KNDC1: variants seen among roughly 807,000 people sequenced by gnomAD.
KNDC1 encodes the protein kinase non-catalytic C-lobe domain-containing protein 1.
KNDC1 carries 106 observed loss-of-function variants against 172.8 expected under a neutral mutation model. The observed-to-expected ratio is 0.61, with a 90% CI of 0.52 to 0.72. The LOEUF (loss-of-function observed/expected upper bound fraction) is 0.72. KNDC1 is among the 30% of genes least tolerant of loss of function. The pLI, the probability that KNDC1 is intolerant of heterozygous loss-of-function variation, is 0.00. For synonymous variants in KNDC1, 1,083 were observed against 1,062.2 expected, an observed-to-expected ratio of 1.02 and a Z score of -0.38; for missense variants, 2,325 against 2,394.5, an observed-to-expected ratio of 0.97 and a Z score of 0.61.
At position 133,209,658 on chromosome 10, in the gene KNDC1, G is replaced by A. The variant is rs1395174087; in HGVS notation, c.3795-953G>A. Among the ~76,000 whole-genome samples, 21 of 152,160 alleles carry A rather than the reference G, an allele frequency of 1.4e-4. No homozygotes were observed. Among genetic ancestry groups the A allele is most frequent in the African/African-American group, 4.3e-4 (18 of 41,484 alleles). ...AGTGCTGTGCTTCCATGGAAGGAGC[G>A]TCTCCTGGCCGTGATGTGGTCACGA... On this transcript the variant is annotated intron_variant, in intron 20 of 29. Transcript: ENST00000304613. The surrounding 1 kb of genome is among the most constrained non-coding windows in gnomAD (Gnocchi z 4.9).
Position 133,224,807 on chromosome 10 carries a change from G to A in KNDC1, c.5167G>A (p.Ala1723Thr), listed in dbSNP as rs1845688192. 4.3e-6 allele frequency: 7 copies of A among 1,614,126 alleles called. No individual in the cohort carries two copies. The highest frequency in any genetic ancestry group is 5.1e-6 in the Non-Finnish European group (6 of 1,180,030). ...DISTLAADSR[A>T]NFHQVSSEKH... Reference sequence around the variant, plus strand: ...TTCCACACTCGCCGCAGATAGCAGGGCCAACTTCCACCAGGTCTCCAGCGA... The same window carrying A: ...TTCCACACTCGCCGCAGATAGCAGGACCAACTTCCACCAGGTCTCCAGCGA... The change falls in exon 30 of 30, where the codon GCC becomes ACC. Residue 1723 changes from alanine to threonine, a missense_variant. Coordinates refer to ENST00000304613, the MANE Select transcript of KNDC1 (RefSeq NM_152643.8). This position sits in a 1 kb window ranked among gnomAD's most constrained non-coding sequence, Gnocchi z 5.4.
intron 11 of KNDC1, 107 bp downstream of exon 11, chr10:133,197,242 C>A: frequency 1.2e-6 from 1 of 831,868 alleles, no homozygotes; most frequent in Non-Finnish European, 2.0e-6. Flanking sequence ...ACACCCCGGT[C>A]TCTGTTGACC....
rs1184280869 is a variant in KNDC1, at chr10:133,185,877, G to C, written c.626-97G>C. The C allele has an allele frequency of 7.0e-6, 4 of 573,962 alleles. No individual in the cohort carries two copies. In the Admixed American group the frequency reaches 1.3e-4, roughly 18 times the overall value. 35.6% of individuals were successfully genotyped at this position (573,962 alleles called of 1,614,324 possible). The stretch of plus-strand genomic sequence containing the variant: ...GGGAGAGGTGGGAGGGGAGGGGTGG[G>C]AGGAGAGGGGAGGGGTGGGAGGAGA... On this transcript the variant is annotated intron_variant, in intron 5 of 29. Transcript: ENST00000304613.
intron 3 of KNDC1, among the ~76,000 whole-genome samples, chr10:133,182,862 T>C (rs909618567): frequency 3.0e-5 from 4 of 133,198 alleles, no homozygotes; most frequent in Non-Finnish European, 4.9e-5. Context: ...GGTGTGGGCG[T>C]GGGTGGCATG....
Position 133,167,487 on chromosome 10 carries a change from C to A in KNDC1, c.209C>A (p.Ala70Asp), listed in dbSNP as rs143471436. The A allele has an allele frequency of 6.2e-7, 1 of 1,605,670 alleles. No homozygotes were observed. The highest frequency in any genetic ancestry group is 1.7e-5 in the Admixed American group (1 of 59,060). Reference protein sequence around the residue: ...LECSLSMRSVAHAAIFQSLCI... With the variant: ...LECSLSMRSVDHAAIFQSLCI... Reference sequence around the variant, plus strand: ...TGCAGCCTGTCCATGCGGAGCGTGGCCCACGCCGCCATCTTCCAGAGCCTG... The same window carrying A: ...TGCAGCCTGTCCATGCGGAGCGTGGACCACGCCGCCATCTTCCAGAGCCTG... Residue 70 changes from alanine to aspartate, a missense_variant, in exon 2 of 30, where the codon GCC (alanine) becomes GAC (aspartate). By Grantham distance (126) the Ala-to-Asp change is moderately radical. Transcript: ENST00000304613.
intron 3 of KNDC1, among the ~76,000 whole-genome samples, chr10:133,174,751 G>C (rs1448620757): frequency 6.6e-6 from 1 of 151,376 alleles, no homozygotes; most frequent in Non-Finnish European, 1.5e-5. Flanking sequence ...GTGGATGGAT[G>C]ATGGGTGGAT....
chr10:133,201,063 T>C (rs1216076169), intron 16 of KNDC1, among the ~76,000 whole-genome samples: 2 of 152,218 alleles, frequency 1.3e-5, no homozygotes, highest in Non-Finnish European at 2.9e-5. Flanking sequence ...ATGAGGCCCG[T>C]GCACTCCTGG....
At position 133,168,256 on chromosome 10, in the gene KNDC1, G is replaced by A. The variant is rs780934385; in HGVS notation, c.304G>A (p.Asp102Asn). 5.6e-6 allele frequency: 9 copies of A among 1,613,926 alleles called. No homozygotes were observed. Among genetic ancestry groups the A allele is most frequent in the East Asian group, 2.2e-5 (1 of 44,892 alleles). ...NVCFMEQLSDDPEGAFVPPEF... is the reference protein window; with the variant it reads ...NVCFMEQLSDNPEGAFVPPEF... Reference sequence around the variant, plus strand: ...TCCTTCTCTCTCTCCTCCCCAAGACGACCCTGAGGGTGCCTTCGTTCCCCC... The same window carrying A: ...TCCTTCTCTCTCTCCTCCCCAAGACAACCCTGAGGGTGCCTTCGTTCCCCC... Residue 102 changes from aspartate (D) to asparagine (N), a missense_variant and splice_region_variant, in exon 3 of 30, where the codon GAC (aspartate) becomes AAC (asparagine). Transcript: ENST00000304613.
intron 1 of KNDC1, among the ~76,000 whole-genome samples, chr10:133,162,013 G>C (rs947121015): frequency 6.6e-6 from 1 of 152,134 alleles, no homozygotes; most frequent in Non-Finnish European, 1.5e-5. Context: ...CAGTGTCCTC[G>C]GGCCGGCCGG....
chr10:133,175,678 G>A (rs1197353227), intron 3 of KNDC1, among the ~76,000 whole-genome samples: 1 of 151,368 alleles, frequency 6.6e-6, no homozygotes, highest in Non-Finnish European at 1.5e-5. Context: ...GGATGGGTAG[G>A]TGGGTGGATG....
chr10:133,211,365 G>T (rs941827039), intron 21 of KNDC1, 57 bp from the exon 22 acceptor site: 4 of 1,558,088 alleles, frequency 2.6e-6, no homozygotes, highest in Non-Finnish European at 3.5e-6. Context: ...CAAGCCCCTG[G>T]GCCTCTGCCC....
chr10:133,172,891 C>T (rs941546739), intron 3 of KNDC1, among the ~76,000 whole-genome samples: 8 of 152,130 alleles, frequency 5.3e-5, no homozygotes, highest in African/African-American at 1.9e-4. Context: ...TAGCCCCAGC[C>T]GCTCAGGAGG....
At chr10:133,161,626 G>A (rs574935457) in intron 1 of KNDC1, among the ~76,000 whole-genome samples, 3 of 152,284 alleles carry the variant, frequency 2.0e-5, no homozygotes, top group South Asian at 2.1e-4. Flanking sequence ...CTGTGCGGGG[G>A]TTGGCGATGC....
intron 3 of KNDC1, among the ~76,000 whole-genome samples, chr10:133,171,731 T>C (rs1210321599): frequency 6.6e-6 from 1 of 152,092 alleles, no homozygotes; most frequent in African/African-American, 2.4e-5. Flanking sequence ...CCACGTCAGC[T>C]TCCTAAGTAG....
At chr10:133,199,305 C>T in intron 14 of KNDC1, 39 bp downstream of exon 14, 1 of 1,540,952 alleles carries the variant, frequency 6.5e-7, no homozygotes, top group Non-Finnish European at 8.7e-7. Context: ...GAGGCCCGGG[C>T]CAGGGAGAGC....
rs773162071 is a variant in KNDC1 at position 133,218,897 on chromosome 10, G to A, written c.4744G>A (p.Ala1582Thr). 8.7e-6 allele frequency: 14 copies of A among 1,613,804 alleles called. No homozygotes were observed. Among genetic ancestry groups the A allele is most frequent in the Admixed American group, 3.3e-5 (2 of 60,008 alleles). The change falls in exon 27 of 30, where the codon GCG (alanine) becomes ACG (threonine). Residue 1582 changes from alanine to threonine, a missense_variant. Ala to Thr is a moderately conservative substitution (Grantham distance 58). Coordinates refer to ENST00000304613, the MANE Select transcript of KNDC1 (RefSeq NM_152643.8). Reference protein sequence around the residue: ...AKSCYEQRNFATAMQILSGLE... With the variant: ...AKSCYEQRNFTTAMQILSGLE... ...ATCTTGCTATGAGCAGAGAAACTTC[G>A]CGACAGCCATGCAGATCCTGAGCGG...
At chr10:133,183,110 G>A (rs1853772937) in intron 3 of KNDC1, among the ~76,000 whole-genome samples, 1 of 150,320 alleles carries the variant, frequency 6.7e-6, no homozygotes, top group African/African-American at 2.5e-5. Context: ...TGGCGGCAGG[G>A]GCGGCAAAAG....
chr10:133,167,164 C>A, intron 1 of KNDC1: 3 of 586,546 alleles, frequency 5.1e-6, no homozygotes, highest in Non-Finnish European at 6.1e-6. Flanking sequence ...CTGGGCAGCA[C>A]GCCGACGGTG....
intron 28 of KNDC1, 119 bp from the exon 29 acceptor site, chr10:133,219,836 C>A: frequency 3.0e-6 from 3 of 987,570 alleles, no homozygotes; most frequent in Non-Finnish European, 4.3e-6. Flanking sequence ...CCGGGTAGAC[C>A]CCGTGCGTGG....
Sources: gnomAD v4.1 joint callset for allele counts (sites outside exome capture counted in the v4.1 genomes callset) on GRCh38, gnomAD v4.1.1 for gene constraint, Gnocchi (gnomAD v3.1) non-coding constraint, MANE v1.5 for transcripts, NCBI Gene and HGNC (gene_info 2026-07-23, HGNC 2026-07-21) for gene names.